The following LIN28B variants were observed in gnomAD, a reference collection of about 807,000 sequenced individuals.
The protein encoded by LIN28B is lin-28 RNA binding posttranscriptional regulator B.
In LIN28B, 5 loss-of-function variants were observed where a neutral mutation model predicts 21.9. The ratio of observed to expected loss-of-function variants is 0.23; its 90% CI spans 0.12 to 0.48. LIN28B has a LOEUF of 0.48. Among genes scored for constraint, LIN28B ranks in the 20% least tolerant of loss-of-function variants. The pLI is 0.98. For missense variants in LIN28B, 245 were observed against 310.5 expected, an observed-to-expected ratio of 0.79 and a Z score of 1.58; for synonymous variants, 109 against 111.3, an observed-to-expected ratio of 0.98 and a Z score of 0.13.
intron 2 of LIN28B, among the ~76,000 whole-genome samples, chr6:104,999,767 G>T (rs2114287688): frequency 6.6e-6 from 1 of 152,064 alleles, no homozygotes; most frequent in South Asian, 2.1e-4. Flanking sequence ...TACAACTTCT[G>T]CCTCCCGGGT....
intron 2 of LIN28B, among the ~76,000 whole-genome samples, chr6:104,994,458 A>G (rs2114277151): frequency 6.6e-6 from 1 of 152,350 alleles, no homozygotes; most frequent in South Asian, 2.1e-4. Flanking sequence ...GGATTTAAAA[A>G]TGGATTCAGT....
chr6:105,015,045 G>A (rs2114316068), intron 2 of LIN28B, among the ~76,000 whole-genome samples: 1 of 152,118 alleles, frequency 6.6e-6, no homozygotes, highest in African/African-American at 2.4e-5. Context: ...TAAATTGCTT[G>A]ATGGTGTTTT....
intron 2 of LIN28B, 25 bp from the exon 3 acceptor site, chr6:105,026,273 C>T: frequency 6.5e-6 from 9 of 1,379,064 alleles, no homozygotes; most frequent in South Asian, 3.0e-5. Context: ...TCTTTTTCTC[C>T]CCCACCCTCT....
intron 3 of LIN28B, 114 bp from the exon 4 acceptor site, chr6:105,078,300 G>A: frequency 1.1e-6 from 1 of 934,522 alleles, no homozygotes. Flanking sequence ...CTTTTAAGAA[G>A]GCACATTAAA....
intron 3 of LIN28B, among the ~76,000 whole-genome samples, chr6:105,029,224 A>G (rs2114345853): frequency 6.6e-6 from 1 of 152,304 alleles, no homozygotes; most frequent in African/African-American, 2.4e-5. Flanking sequence ...TCTATAATAA[A>G]TGGGAGGAAA....
chr6:105,045,834 G>T (rs1037979783), intron 3 of LIN28B, among the ~76,000 whole-genome samples: 1 of 152,132 alleles, frequency 6.6e-6, no homozygotes, highest in Non-Finnish European at 1.5e-5. Flanking sequence ...AACCTTGCCA[G>T]AACTCAGAAC....
chr6:104,974,017 T>C (rs1441003347), intron 2 of LIN28B, among the ~76,000 whole-genome samples: 1 of 152,224 alleles, frequency 6.6e-6, no homozygotes, highest in Admixed American at 6.5e-5. Flanking sequence ...CATCTGAAGA[T>C]AGTGTTTGTG....
intron 3 of LIN28B, among the ~76,000 whole-genome samples, chr6:105,031,159 A>G (rs1464347230): frequency 6.6e-6 from 1 of 151,938 alleles, no homozygotes; most frequent in Non-Finnish European, 1.5e-5. Flanking sequence ...TTCATTTATT[A>G]TATTAGTCTG....
chr6:105,020,061 C>T (rs559353933), intron 2 of LIN28B, among the ~76,000 whole-genome samples: 2 of 149,782 alleles, frequency 1.3e-5, no homozygotes, highest in East Asian at 2.0e-4. Context: ...GGCAAATAAA[C>T]GATAGCATTC....
intron 3 of LIN28B, among the ~76,000 whole-genome samples, chr6:105,044,144 A>G (rs1771696739): frequency 6.6e-6 from 1 of 152,124 alleles, no homozygotes; most frequent in South Asian, 2.1e-4. Context: ...TACATTATAT[A>G]AAGATTAAGA....
intron 2 of LIN28B, among the ~76,000 whole-genome samples, chr6:105,019,535 G>A (rs1033180446): frequency 2.0e-5 from 3 of 152,192 alleles, no homozygotes; most frequent in African/African-American, 7.2e-5. Context: ...AGAATGAAAT[G>A]GGAATCTGGT....
chr6:104,963,236 CG>C, intron 2 of LIN28B, among the ~76,000 whole-genome samples: 1 of 152,080 alleles, frequency 6.6e-6, no homozygotes, highest in East Asian at 1.9e-4. Flanking sequence ...TTAGTAGAGA[CG>C]GGGTTTCACT....
intron 2 of LIN28B, among the ~76,000 whole-genome samples, chr6:104,989,791 C>T (rs1274638598): frequency 6.6e-6 from 1 of 151,788 alleles, no homozygotes; most frequent in Non-Finnish European, 1.5e-5. Context: ...GGAATTTCAC[C>T]ATGTTGGCCT....
At chr6:105,031,522 A>G (rs937848384) in intron 3 of LIN28B, among the ~76,000 whole-genome samples, 2 of 150,708 alleles carry the variant, frequency 1.3e-5, no homozygotes, top group African/African-American at 4.9e-5. Flanking sequence ...AGTAAAATTG[A>G]CCTTTTTTCT....
rs148763560 is a variant in LIN28B at position 105,037,270 on chromosome 6, G to A, written c.383+10788G>A. ...TCCCAAACCCCAGTAACAATCTAGG[G>A]GAATCACAAAGTTTTCAGCAGTCTC... On this transcript the variant is annotated intron_variant, in intron 3 of 3. Transcript: ENST00000345080. 2.3e-3 allele frequency among the ~76,000 whole-genome samples: 346 copies of A among 152,012 alleles called. 1 individual carries two copies. Among genetic ancestry groups the A allele is most frequent in the Non-Finnish European group, 4.6e-4 (31 of 67,998 alleles).
At chr6:105,025,790 G>A (rs565267257) in intron 2 of LIN28B, among the ~76,000 whole-genome samples, 35 of 151,552 alleles carry the variant, frequency 2.3e-4, no homozygotes, top group Non-Finnish European at 4.1e-4. Context: ...CATTATGGTA[G>A]ACACAGTTCT....
At chr6:105,019,095 G>A (rs1210449196) in intron 2 of LIN28B, among the ~76,000 whole-genome samples, 2 of 151,940 alleles carry the variant, frequency 1.3e-5, no homozygotes, top group African/African-American at 4.8e-5. Flanking sequence ...ATAAGCGCCC[G>A]CCACCACACC....
intron 3 of LIN28B, among the ~76,000 whole-genome samples, chr6:105,057,285 TA>T (rs1358392316): frequency 6.6e-6 from 1 of 152,240 alleles, no homozygotes; most frequent in African/African-American, 2.4e-5. Flanking sequence ...AAGGTCTTTT[TA>T]TATACGTGAC....
At chr6:105,040,009 C>G (rs1322172365) in intron 3 of LIN28B, among the ~76,000 whole-genome samples, 1 of 152,128 alleles carries the variant, frequency 6.6e-6, no homozygotes, top group Non-Finnish European at 1.5e-5. Flanking sequence ...CTGATGTTTG[C>G]TATTGTTTTT....
Sources: gnomAD v4.1 joint callset for allele counts (sites outside exome capture counted in the v4.1 genomes callset) on GRCh38, gnomAD v4.1.1 for gene constraint, MANE v1.5 for transcripts, NCBI Gene and HGNC (gene_info 2026-07-23, HGNC 2026-07-21) for gene names.